SLC66A2: variants seen among roughly 807,000 people sequenced by gnomAD.
SLC66A2 encodes the protein solute carrier family 66 member 2.
SLC66A2 carries 23 observed loss-of-function variants against 25.5 expected under a neutral mutation model. That is an observed-to-expected ratio of 0.90 (90% CI 0.65 to 1.28). The LOEUF is 1.28. SLC66A2 is among the 50% of genes most tolerant of loss of function. The pLI is 0.00. For synonymous variants in SLC66A2, 193 were observed against 166.5 expected (o/e 1.16, Z -1.23); for missense variants, 396 against 373.1 (o/e 1.06, Z -0.51).
In SLC66A2 at chr18:79,918,419, C is replaced by CG. The variant is rs1358375159; in HGVS notation, c.608+764_608+765insC. Among the ~76,000 whole-genome samples the CG allele has an allele frequency of 3.0e-5, 2 of 67,586 alleles. No homozygotes were observed. Among genetic ancestry groups the CG allele is most frequent in the Admixed American group, 3.9e-4 (2 of 5,182 alleles). 44.3% of individuals were successfully genotyped at this position (67,586 alleles called of 152,430 possible). On this transcript the variant is annotated intron_variant, in intron 5 of 5. Coordinates refer to ENST00000397778, the MANE Select transcript of SLC66A2 (RefSeq NM_025078.5). The surrounding 1 kb of genome is among the most constrained non-coding windows in gnomAD (Gnocchi z 4.0). ...GGCGGATCCCCAGTGAGGAGCGGGCCCGGGGGGGGGTCCCCAGTGAGGAGC... is the reference window on the plus strand; with the variant it reads ...GGCGGATCCCCAGTGAGGAGCGGGCCGCGGGGGGGGGTCCCCAGTGAGGAGC...
intron 5 of SLC66A2, among the ~76,000 whole-genome samples, chr18:79,916,803 C>A (rs1984227953): frequency 6.6e-6 from 1 of 152,242 alleles, no homozygotes; most frequent in Admixed American, 6.5e-5. Flanking sequence ...AAAATATCAG[C>A]AACCGTGTTT....
chr18:79,935,157 C>G (rs553966014), intron 3 of SLC66A2, among the ~76,000 whole-genome samples: 2 of 152,160 alleles, frequency 1.3e-5, no homozygotes, highest in African/African-American at 4.8e-5. Context: ...CCACCCAAGG[C>G]AGGACTGCTC....
At chr18:79,911,425 C>G (rs1407878309) in intron 5 of SLC66A2, among the ~76,000 whole-genome samples, 1 of 152,270 alleles carries the variant, frequency 6.6e-6, no homozygotes, top group Non-Finnish European at 1.5e-5. Context: ...AGCCGGGACA[C>G]AGCCCTGGTC....
rs1339474463 is a variant in SLC66A2, at chr18:79,937,079, G to T, written c.338-3057C>A. ...ATGGAAAGAATTGGTGTCCACTCAT[G>T]AAGTATTTCACCTCACCAAAAAAAA... On this transcript the variant is annotated intron_variant, in intron 3 of 5. Coordinates refer to ENST00000397778, the MANE Select transcript of SLC66A2 (RefSeq NM_025078.5). The surrounding 1 kb of genome is among the most constrained non-coding windows in gnomAD (Gnocchi z 5.4). Among the ~76,000 whole-genome samples the T allele has an allele frequency of 6.6e-6, 1 of 152,148 alleles. No homozygotes were observed. The highest frequency in any genetic ancestry group is 1.5e-5 in the Non-Finnish European group (1 of 68,022).
chr18:79,939,443 A>C (rs1599637028), intron 3 of SLC66A2, among the ~76,000 whole-genome samples: 1 of 152,228 alleles, frequency 6.6e-6, no homozygotes, highest in Non-Finnish European at 1.5e-5. Context: ...TCAACAGAGC[A>C]AACAGACAAC....
rs372959285 is a variant in SLC66A2 at position 79,950,673 on chromosome 18, G to C, written c.203+51C>G. On this transcript the variant is annotated intron_variant, in intron 2 of 5. Transcript: ENST00000397778. The stretch of plus-strand genomic sequence containing the variant: ...CCGGCCTCAACCAGAAACCCCAAAG[G>C]AGAAACCCTCTTCTCCGGGTGCAGC... The C allele has an allele frequency of 1.8e-5, 29 of 1,594,710 alleles. No individual in the cohort carries two copies. The African/African-American group carries it at 3.6e-4, about 20-fold the overall frequency.
chr18:79,904,242 G>A lies in SLC66A2; in HGVS notation c.609-59C>T. On this transcript the variant is annotated intron_variant, in intron 5 of 5. Transcript: ENST00000397778. The surrounding 1 kb of genome is among the most constrained non-coding windows in gnomAD (Gnocchi z 6.3). The stretch of plus-strand genomic sequence containing the variant: ...GAGGGCGGCGACCTGGGCTCAGTCA[G>A]TGGGGAGGCCTGGGGCTTAGACAGC... 1.3e-6 allele frequency: 2 copies of A among 1,483,362 alleles called. No homozygotes were observed. The highest frequency in any genetic ancestry group is 1.9e-6 in the Non-Finnish European group (2 of 1,065,662). 91.9% of individuals were successfully genotyped at this position (1,483,362 alleles called of 1,614,324 possible).
intron 1 of SLC66A2, 48 bp from the exon 2 acceptor site, chr18:79,951,073 C>T: frequency 2.0e-6 from 1 of 508,936 alleles, no homozygotes; most frequent in Non-Finnish European, 3.0e-6. Context: ...GAGGCTGGGG[C>T]GGCGCGCACG....
chr18:79,921,838 G>A (rs1198593143), intron 4 of SLC66A2, among the ~76,000 whole-genome samples: 1 of 8,472 alleles, frequency 1.2e-4, no homozygotes, highest in African/African-American at 1.3e-4. Flanking sequence ...CAGAGGAGGA[G>A]AGACAGGAAC....
chr18:79,938,962 C>T (rs768124599), intron 3 of SLC66A2, among the ~76,000 whole-genome samples: 1 of 152,240 alleles, frequency 6.6e-6, no homozygotes, highest in African/African-American at 2.4e-5. Context: ...AGGCATGAGC[C>T]GCTGCGACCG....
rs771695895 is a variant in SLC66A2 at position 79,918,242 on chromosome 18, C to T, written c.608+942G>A. ...GCACCCGTTCTCCAACACAAAAACG[C>T]GTCAGCCCCTCTCTTCCAGGCTGTT... On this transcript the variant is annotated intron_variant, in intron 5 of 5. Coordinates refer to ENST00000397778, the MANE Select transcript of SLC66A2 (RefSeq NM_025078.5). This position sits in a 1 kb window ranked among gnomAD's most constrained non-coding sequence, Gnocchi z 4.0. Among the ~76,000 whole-genome samples the T allele has an allele frequency of 2.7e-4, 41 of 152,242 alleles. 1 individual carries two copies. The highest frequency in any genetic ancestry group is 1.2e-4 in the Non-Finnish European group (8 of 68,038).
chr18:79,916,872 C>T (rs1568303290), intron 5 of SLC66A2, among the ~76,000 whole-genome samples: 1 of 152,268 alleles, frequency 6.6e-6, no homozygotes, highest in Non-Finnish European at 1.5e-5. Context: ...GGTCATGGAA[C>T]CCTAACATGG....
intron 5 of SLC66A2, among the ~76,000 whole-genome samples, chr18:79,908,210 C>T (rs570972548): frequency 4.6e-5 from 7 of 152,170 alleles, no homozygotes; most frequent in South Asian, 2.1e-4. Context: ...TCTCCTCCAG[C>T]GGAAGAACTT....
chr18:79,905,996 G>A (rs1982074650), intron 5 of SLC66A2, among the ~76,000 whole-genome samples: 1 of 152,182 alleles, frequency 6.6e-6, no homozygotes, highest in Non-Finnish European at 1.5e-5. Flanking sequence ...AGATACTCAA[G>A]CTATTTCTTC....
intron 3 of SLC66A2, among the ~76,000 whole-genome samples, chr18:79,936,370 A>G (rs1029248266): frequency 1.3e-5 from 2 of 152,214 alleles, no homozygotes; most frequent in Admixed American, 6.5e-5. Context: ...CCCTACATAC[A>G]ACACATTTTC....
rs1267508104 is a variant in SLC66A2 at position 79,918,455 on chromosome 18, G to A, written c.608+729C>T. On this transcript the variant is annotated intron_variant, in intron 5 of 5. Coordinates refer to ENST00000397778, the MANE Select transcript of SLC66A2 (RefSeq NM_025078.5). The surrounding 1 kb of genome is among the most constrained non-coding windows in gnomAD (Gnocchi z 4.0). ...TCCCCAGTGAGGAGCGGGCACCGGGGAGGGTCCCCAGTGAGGAGCGGCACC... is the reference window on the plus strand; with the variant it reads ...TCCCCAGTGAGGAGCGGGCACCGGGAAGGGTCCCCAGTGAGGAGCGGCACC... Among the ~76,000 whole-genome samples, 2 of 149,962 alleles carry A rather than the reference G, an allele frequency of 1.3e-5. No individual in the cohort carries two copies. The highest frequency in any genetic ancestry group is 6.6e-5 in the Admixed American group (1 of 15,062).
rs755467589 is a variant in SLC66A2, at chr18:79,904,117, A to AC, written c.674dup (p.Ala226CysfsTer132). 1 of 1,612,906 alleles carries AC rather than the reference A, an allele frequency of 6.2e-7. No homozygotes were observed. On this transcript the variant is annotated frameshift_variant, in exon 6 of 6. Transcript: ENST00000397778. LOFTEE classifies it high-confidence loss of function. The surrounding 1 kb of genome is among the most constrained non-coding windows in gnomAD (Gnocchi z 6.3). ...CGCACACGGAGAACTGCAGAGGGGC[A>AC]CCCTTCAGCAGGAAGTAGGCCGTCT... is the stretch of plus-strand genomic sequence containing the variant.
At chr18:79,950,321 T>G (rs1474846106) in intron 2 of SLC66A2, among the ~76,000 whole-genome samples, 8 of 152,154 alleles carry the variant, frequency 5.3e-5, no homozygotes. Flanking sequence ...CATGTCATCA[T>G]GCACTTCAGC....
chr18:79,922,288 A>T (rs1293938908), intron 4 of SLC66A2, among the ~76,000 whole-genome samples: 3 of 151,718 alleles, frequency 2.0e-5, no homozygotes, highest in Admixed American at 6.6e-5. Flanking sequence ...AAAAGAAAAA[A>T]AAAAAAAAAA....
Sources: allele counts gnomAD v4.1 joint callset (sites outside exome capture counted in the v4.1 genomes callset), GRCh38; gene constraint gnomAD v4.1.1; non-coding constraint Gnocchi (gnomAD v3.1); transcripts MANE v1.5; gene names NCBI Gene and HGNC (gene_info 2026-07-23, HGNC 2026-07-21).